FARSB: variants seen among roughly 807,000 people sequenced by gnomAD.
The protein encoded by FARSB is phenylalanine--tRNA ligase beta subunit.
A neutral mutation model predicts 69.6 loss-of-function variants in FARSB; 40 were observed. That is an observed-to-expected ratio of 0.57 (90% confidence interval 0.45 to 0.75). The LOEUF is 0.75. FARSB is among the 30% of genes least tolerant of loss of function. FARSB has a pLI of 0.00. For missense variants in FARSB, 632 were observed against 722.9 expected (o/e 0.87, Z 1.44); for synonymous variants, 235 against 247.2 (o/e 0.95, Z 0.46).
rs1429186611 is a variant in FARSB at position 222,567,995 on chromosome 2, G to A, written c.*3876C>T. ...TATAGGCACTGACCTGAAAAAATGG[G>A]GCATATTAAGTGAAATGTCATGAGA... On this transcript the variant is annotated 3_prime_UTR_variant, in exon 17 of 17. Coordinates refer to ENST00000281828, the MANE Select transcript of FARSB (RefSeq NM_005687.5). 2 of 152,008 alleles carry A rather than the reference G, an allele frequency of 1.3e-5. No individual in the cohort carries two copies. The highest frequency in any genetic ancestry group is 3.9e-4 in the East Asian group (2 of 5,190). 9.4% of individuals were successfully genotyped at this position (152,008 alleles called of 1,614,324 possible).
chr2:222,636,461 T>C (rs1691585125), intron 5 of FARSB, among the ~76,000 whole-genome samples: 1 of 148,734 alleles, frequency 6.7e-6, no homozygotes, highest in South Asian at 2.1e-4. Context: ...AAGTAGGTCA[T>C]AAAATCTAAA....
At chr2:222,645,542 T>G (rs1447112) in intron 2 of FARSB, among the ~76,000 whole-genome samples, 1 of 151,708 alleles carries the variant, frequency 6.6e-6, no homozygotes, top group East Asian at 1.9e-4. Flanking sequence ...AAGCACTGAA[T>G]AGGTGAAGAT....
intron 3 of FARSB, among the ~76,000 whole-genome samples, chr2:222,641,529 T>TTAA (rs1324723070): frequency 6.6e-6 from 1 of 152,226 alleles, no homozygotes; most frequent in Admixed American, 6.5e-5. Context: ...CAGATTCTGA[T>TTAA]TAATAGGTGT....
At chr2:222,635,296 G>T (rs1037573099) in intron 5 of FARSB, among the ~76,000 whole-genome samples, 1 of 152,178 alleles carries the variant, frequency 6.6e-6, no homozygotes, top group Non-Finnish European at 1.5e-5. Context: ...CAATTTGAAA[G>T]GAGGAACTTG....
intron 4 of FARSB, 36 bp downstream of exon 4, chr2:222,640,826 A>T: frequency 8.5e-7 from 1 of 1,172,854 alleles, no homozygotes; most frequent in African/African-American, 1.6e-5. Flanking sequence ...ACAAAAGAAA[A>T]TTTTTAAAAG....
At chr2:222,622,427 C>T (rs551550131) in intron 13 of FARSB, among the ~76,000 whole-genome samples, 2 of 152,140 alleles carry the variant, frequency 1.3e-5, no homozygotes, top group African/African-American at 4.8e-5. Context: ...AAAGAGGATT[C>T]GAAGTGGGGA....
At chr2:222,623,375 A>T (rs1478056811) in intron 13 of FARSB, among the ~76,000 whole-genome samples, 1 of 152,132 alleles carries the variant, frequency 6.6e-6, no homozygotes, top group Non-Finnish European at 1.5e-5. Flanking sequence ...TACATTGTGA[A>T]CTCTCAACAC....
intron 5 of FARSB, 27 bp from the exon 6 acceptor site, chr2:222,634,568 G>A: frequency 1.3e-6 from 2 of 1,568,522 alleles, no homozygotes; most frequent in East Asian, 2.3e-5. Context: ...TGAGGGAGAA[G>A]GAGGGAGGAA....
intron 10 of FARSB, among the ~76,000 whole-genome samples, chr2:222,628,595 A>T (rs1000312041): frequency 2.0e-5 from 3 of 152,196 alleles, no homozygotes; most frequent in African/African-American, 7.2e-5. Context: ...TACCACTTAA[A>T]AATAATAAGC....
intron 16 of FARSB, among the ~76,000 whole-genome samples, chr2:222,589,986 A>G (rs1690220346): frequency 6.6e-6 from 1 of 152,180 alleles, no homozygotes; most frequent in South Asian, 2.1e-4. Flanking sequence ...AACTAGAAAT[A>G]CCATTTGACC....
intron 16 of FARSB, among the ~76,000 whole-genome samples, chr2:222,597,870 C>G (rs1479251613): frequency 6.6e-6 from 1 of 152,168 alleles, no homozygotes; most frequent in Non-Finnish European, 1.5e-5. Context: ...TCTAATATCA[C>G]CTACCTGCTT....
chr2:222,578,907 G>A (rs1047122715), intron 16 of FARSB, among the ~76,000 whole-genome samples: 7 of 152,150 alleles, frequency 4.6e-5, no homozygotes, highest in Admixed American at 1.3e-4. Flanking sequence ...GCTTGAACTC[G>A]GGAGGGGGAG....
At chr2:222,612,982 G>C (rs1690897363) in intron 15 of FARSB, among the ~76,000 whole-genome samples, 1 of 152,226 alleles carries the variant, frequency 6.6e-6, no homozygotes, top group African/African-American at 2.4e-5. Context: ...ATGGTGGACA[G>C]TCACTGCTAA....
chr2:222,594,075 G>A (rs947789054), intron 16 of FARSB, among the ~76,000 whole-genome samples: 2 of 102,724 alleles, frequency 1.9e-5, no homozygotes, highest in African/African-American at 7.4e-5. Flanking sequence ...TGGGTGACAA[G>A]GCAAAAACCC....
At chr2:222,644,713 C>T (rs534263745) in intron 2 of FARSB, 223 of 210,102 alleles carry the variant, frequency 1.1e-3, no homozygotes, top group African/African-American at 4.9e-3. Flanking sequence ...TTACATATAC[C>T]ATGTTTCTTC....
chr2:222,578,670 C>T (rs1346514028), intron 16 of FARSB, among the ~76,000 whole-genome samples: 1 of 151,688 alleles, frequency 6.6e-6, no homozygotes, highest in Non-Finnish European at 1.5e-5. Flanking sequence ...AACCCCATCT[C>T]TACTAAAAAT....
At chr2:222,609,281 G>A (rs192432667) in intron 15 of FARSB, among the ~76,000 whole-genome samples, 25 of 152,294 alleles carry the variant, frequency 1.6e-4, no homozygotes, top group Non-Finnish European at 1.5e-4. Flanking sequence ...TTCACAATTA[G>A]GTCCTTTGTT....
At chr2:222,641,733 C>A (rs1216289278) in intron 3 of FARSB, among the ~76,000 whole-genome samples, 2 of 152,118 alleles carry the variant, frequency 1.3e-5, no homozygotes, top group Non-Finnish European at 2.9e-5. Flanking sequence ...CAGGAGTTAT[C>A]CTTGATCCTA....
At position 222,634,491 on chromosome 2, in the gene FARSB, C is replaced by T; in HGVS notation, c.506G>A (p.Gly169Asp). ...ACGCTTTGCAGTATAAGTAAATGGG[C>T]CCGACAAAGTGTCCAAATCATGGGT... Reference protein sequence around the residue: ...IGTHDLDTLSGPFTYTAKRPS... With the variant: ...IGTHDLDTLSDPFTYTAKRPS... Residue 169 changes from glycine (G) to aspartate (D), a missense_variant, in exon 6 of 17, where the codon GGC becomes GAC. By Grantham distance (94) the Gly-to-Asp change is moderately conservative (BLOSUM62 -1). Transcript: ENST00000281828. 3 of 1,612,642 alleles carry T rather than the reference C, an allele frequency of 1.9e-6. No homozygotes were observed. Among genetic ancestry groups the T allele is most frequent in the Non-Finnish European group, 2.5e-6 (3 of 1,179,120 alleles).
Sources: allele counts gnomAD v4.1 joint callset (sites outside exome capture counted in the v4.1 genomes callset), GRCh38; gene constraint gnomAD v4.1.1; transcripts MANE v1.5; gene names NCBI Gene and HGNC (gene_info 2026-07-23, HGNC 2026-07-21).